PUS10: variants seen among roughly 807,000 people sequenced by gnomAD.
PUS10 encodes the protein pseudouridine synthase 10, also known as tRNA pseudouridine synthase Pus10.
Under a neutral mutation model 75.0 loss-of-function variants are expected in PUS10, and 59 were observed. The observed-to-expected ratio is 0.79, with a 90% CI of 0.64 to 0.98. The LOEUF (loss-of-function observed/expected upper bound fraction) is 0.98. Among genes scored for constraint, PUS10 ranks in the 50% least tolerant of loss-of-function variants. The pLI is 0.00. For synonymous variants in PUS10, 219 were observed against 211.6 expected (o/e 1.03, Z -0.30); for missense variants, 650 against 614.4 (o/e 1.06, Z -0.61).
chr2:60,945,094 A>G lies in PUS10; in HGVS notation c.1466T>C (p.Phe489Ser). Residue 489 changes from phenylalanine to serine, a missense_variant, in exon 17 of 18, where the codon TTT becomes TCT. Phe to Ser is a radical substitution (Grantham distance 155). Transcript: ENST00000316752. ...KTQAGTYIKE[F>S]VHGDFGRTKP... Reference sequence around the variant, plus strand: ...GGTTCTCCCGAAGTCTCCATGTACAAACTCTTTAATGTAGCTGGGGTTTGT... The same window carrying G: ...GGTTCTCCCGAAGTCTCCATGTACAGACTCTTTAATGTAGCTGGGGTTTGT... The G allele has an allele frequency of 6.2e-7, 1 of 1,613,114 alleles. No individual in the cohort carries two copies. Among genetic ancestry groups the G allele is most frequent in the Non-Finnish European group, 8.5e-7 (1 of 1,179,048 alleles).
At chr2:61,010,113 G>A (rs1318488149) in intron 2 of PUS10, 2 of 152,034 alleles carry the variant, frequency 1.3e-5, no homozygotes, top group African/African-American at 2.4e-5. Flanking sequence ...TGAAACAAAC[G>A]AAAGTTGATA....
At position 61,018,113 on chromosome 2, in the gene PUS10, A is replaced by G; in HGVS notation, c.-121T>C. 6.5e-7 allele frequency: 1 copy of G among 1,546,718 alleles called. No individual in the cohort carries two copies. The highest frequency in any genetic ancestry group is 1.9e-4 in the Middle Eastern group (1 of 5,372). ...GTCTCTCTGGGTCTCTGTGCTTGAA[A>G]GAAAGGGGGGCGGCTTCCTACCTAC... On this transcript the variant is annotated 5_prime_UTR_variant, in exon 1 of 18. Transcript: ENST00000316752.
In PUS10 at chr2:60,949,132, C is replaced by CCTAA. The variant is rs765924052; in HGVS notation, c.1309-951_1309-948dup. On this transcript the variant is annotated intron_variant, in intron 15 of 17. Coordinates refer to ENST00000316752, the MANE Select transcript of PUS10 (RefSeq NM_144709.4). ...CCAAAGTGGTGAGTCAATGGCTCCT[C>CCTAA]CTAACTCTGTGGTTTTTATGATTCT... Among the ~76,000 whole-genome samples the CCTAA allele has an allele frequency of 2.2e-4, 33 of 152,172 alleles. 1 individual carries two copies. Among genetic ancestry groups the CCTAA allele is most frequent in the Admixed American group, 1.6e-3 (24 of 15,278 alleles).
Position 60,940,503 on chromosome 2 carries a change from A to G in PUS10, c.*1892T>C, listed in dbSNP as rs751356252. 6.6e-6 allele frequency: 1 copy of G among 152,348 alleles called. No individual in the cohort carries two copies. Among genetic ancestry groups the G allele is most frequent in the Non-Finnish European group, 1.5e-5 (1 of 68,014 alleles). 9.4% of individuals were successfully genotyped at this position (152,348 alleles called of 1,614,324 possible). A position where few individuals can be genotyped will look rare whatever the true frequency, so the allele number is the denominator to read the frequency against. On this transcript the variant is annotated 3_prime_UTR_variant, in exon 18 of 18. Coordinates refer to ENST00000316752, the MANE Select transcript of PUS10 (RefSeq NM_144709.4). ...AGTTCTGCCTAAAACAAAGACATAC[A>G]TTAATTTTTAACAATCTTTGTCTCA...
chr2:60,960,843 T>TAAAAAAAAAAAAAAAAAA (rs34578958), intron 10 of PUS10, among the ~76,000 whole-genome samples: 1 of 120,662 alleles, frequency 8.3e-6, no homozygotes, highest in African/African-American at 3.1e-5. Flanking sequence ...ATACCAAGGA[T>TAAAAAAAAAAAAAAAAAA]AAAAAAAAAA....
chr2:60,998,268 T>G (rs568543623), intron 4 of PUS10, among the ~76,000 whole-genome samples: 1 of 152,338 alleles, frequency 6.6e-6, no homozygotes, highest in Admixed American at 6.5e-5. Flanking sequence ...AGTATGTGCA[T>G]TTTTAGGACA....
chr2:60,960,373 T>G lies in PUS10; in HGVS notation c.1000+19A>C. 1 of 1,481,552 alleles carries G rather than the reference T, an allele frequency of 6.7e-7. No homozygotes were observed. The allele number at this position is 1,481,552 out of a possible 1,614,324, so 91.8% of individuals were successfully genotyped here. ...AAAAAAAAAAAAAGAAAGAAAAGTA[T>G]GAAGATCGTAACACTTACTCTCTGC... On this transcript the variant is annotated intron_variant, in intron 11 of 17. Coordinates refer to ENST00000316752, the MANE Select transcript of PUS10 (RefSeq NM_144709.4).
chr2:60,941,427 T>G lies in PUS10; in HGVS notation c.*968A>C, dbSNP rs753214091. On this transcript the variant is annotated 3_prime_UTR_variant, in exon 18 of 18. Coordinates refer to ENST00000316752, the MANE Select transcript of PUS10 (RefSeq NM_144709.4). ...AGAAAGACCCTAGAAACCAAGAAAC[T>G]TCAGTTCTAGTCCTCAATATAGAAG... The G allele has an allele frequency of 6.6e-6, 1 of 152,308 alleles. No individual in the cohort carries two copies. The highest frequency in any genetic ancestry group is 1.5e-5 in the Non-Finnish European group (1 of 68,014). 9.4% of individuals were successfully genotyped at this position (152,308 alleles called of 1,614,324 possible). A position where few individuals can be genotyped will look rare whatever the true frequency, so the allele number is the denominator to read the frequency against.
chr2:61,015,090 G>T (rs1679880151), intron 1 of PUS10, among the ~76,000 whole-genome samples: 1 of 152,156 alleles, frequency 6.6e-6, no homozygotes, highest in South Asian at 2.1e-4. Context: ...AGCTGACAAG[G>T]TGACAACTTT....
intron 4 of PUS10, among the ~76,000 whole-genome samples, chr2:60,986,314 T>A (rs953876274): frequency 2.6e-5 from 4 of 152,218 alleles, no homozygotes; most frequent in African/African-American, 9.6e-5. Flanking sequence ...CACATGCATT[T>A]GAATGTAATA....
chr2:60,956,841 G>A (rs184139448), intron 11 of PUS10, among the ~76,000 whole-genome samples: 80 of 151,824 alleles, frequency 5.3e-4, no homozygotes, highest in East Asian at 3.3e-3. Context: ...TGGGTGTGGT[G>A]GCGTGTGCCT....
intron 4 of PUS10, among the ~76,000 whole-genome samples, chr2:61,002,186 G>A (rs1678897116): frequency 1.3e-5 from 2 of 152,164 alleles, no homozygotes; most frequent in African/African-American, 4.8e-5. Context: ...GCATCTCTGG[G>A]AATGGGACCT....
chr2:60,945,587 A>G (rs1478701228), intron 16 of PUS10, among the ~76,000 whole-genome samples: 1 of 152,192 alleles, frequency 6.6e-6, no homozygotes, highest in African/African-American at 2.4e-5. Flanking sequence ...AATAGGGTGG[A>G]AGGAATAATG....
chr2:60,959,229 T>A (rs570942653), intron 11 of PUS10, among the ~76,000 whole-genome samples: 3 of 152,372 alleles, frequency 2.0e-5, no homozygotes, highest in African/African-American at 7.2e-5. Context: ...TGCCAGTGAT[T>A]ACTCTTGAAG....
intron 2 of PUS10, chr2:61,010,178 A>G (rs1679506511): frequency 6.6e-6 from 1 of 152,318 alleles, no homozygotes; most frequent in Admixed American, 6.5e-5. Context: ...TATAATAGAT[A>G]ATAGGTTACA....
chr2:60,988,802 A>ATTTT (rs574393734), intron 4 of PUS10, among the ~76,000 whole-genome samples: 2 of 135,056 alleles, frequency 1.5e-5, no homozygotes, highest in Non-Finnish European at 3.2e-5. Context: ...TACCGGGTTA[A>ATTTT]TTTTTTTTTT....
At chr2:60,967,065 G>A (rs969827253) in intron 6 of PUS10, 1 of 155,870 alleles carries the variant, frequency 6.4e-6, no homozygotes, top group African/African-American at 2.4e-5. Context: ...TACCAACAAG[G>A]TAGGATTGAG....
chr2:61,017,088 C>G (rs1021823781), intron 1 of PUS10: 4 of 152,306 alleles, frequency 2.6e-5, no homozygotes, highest in Non-Finnish European at 5.9e-5. Context: ...AGGAGAGAAA[C>G]GAACTCTCTC....
At chr2:60,946,702 T>A (rs1674962533) in intron 16 of PUS10, among the ~76,000 whole-genome samples, 1 of 152,108 alleles carries the variant, frequency 6.6e-6, no homozygotes, top group Admixed American at 6.6e-5. Flanking sequence ...TAAATCCAGG[T>A]CCTGGGGTGG....
Sources: gnomAD v4.1 joint callset for allele counts (sites outside exome capture counted in the v4.1 genomes callset) on GRCh38, gnomAD v4.1.1 for gene constraint, MANE v1.5 for transcripts, NCBI Gene and HGNC (gene_info 2026-07-23, HGNC 2026-07-21) for gene names.